GNAI1: variants seen among roughly 807,000 people sequenced by gnomAD.
GNAI1 encodes the protein G protein subunit alpha i1.
A neutral mutation model predicts 38.9 loss-of-function variants in GNAI1; 11 were observed. That is an observed-to-expected ratio of 0.28 (90% CI 0.18 to 0.47). GNAI1 has a LOEUF of 0.47. Among genes scored for constraint, GNAI1 ranks in the 20% least tolerant of loss-of-function variants. GNAI1 has a pLI of 0.99. For synonymous variants in GNAI1, 166 were observed against 145.1 expected (o/e 1.14, Z -1.04); for missense variants, 317 against 436.9 (o/e 0.73, Z 2.45).
At chr7:80,150,854 G>T (rs1562823963) in intron 1 of GNAI1, among the ~76,000 whole-genome samples, 1 of 151,972 alleles carries the variant, frequency 6.6e-6, no homozygotes, top group Non-Finnish European at 1.5e-5. Flanking sequence ...TCCATCATCC[G>T]CCGTTTTTCC....
At chr7:80,153,425 GAAATAA>G (rs1363384570) in intron 1 of GNAI1, among the ~76,000 whole-genome samples, 1 of 152,118 alleles carries the variant, frequency 6.6e-6, no homozygotes, top group Non-Finnish European at 1.5e-5. Flanking sequence ...TATCAAATTG[GAAATAA>G]AACTATTTCC....
chr7:80,181,870 T>TA (rs1228071972), intron 1 of GNAI1, among the ~76,000 whole-genome samples: 1 of 152,196 alleles, frequency 6.6e-6, no homozygotes, highest in Non-Finnish European at 1.5e-5. Flanking sequence ...CTTGCATACA[T>TA]ACCATTTTTT....
chr7:80,145,730 G>A (rs1004304462), intron 1 of GNAI1, among the ~76,000 whole-genome samples: 3 of 152,124 alleles, frequency 2.0e-5, no homozygotes, highest in Non-Finnish European at 4.4e-5. Flanking sequence ...TATTTATGGT[G>A]TCTTGACTCT....
intron 1 of GNAI1, among the ~76,000 whole-genome samples, chr7:80,177,637 G>A (rs1010612212): frequency 6.6e-6 from 1 of 152,124 alleles, no homozygotes; most frequent in Non-Finnish European, 1.5e-5. Flanking sequence ...TGCCTGGCCA[G>A]TGTTTTTTAT....
intron 3 of GNAI1, among the ~76,000 whole-genome samples, chr7:80,198,879 C>G (rs2115667042): frequency 6.6e-6 from 1 of 152,244 alleles, no homozygotes; most frequent in South Asian, 2.1e-4. Flanking sequence ...ATAGGTTCTT[C>G]TTCTGTTTTC....
chr7:80,180,322 AGTGTGTGTGTGT>A (rs59104301), intron 1 of GNAI1, among the ~76,000 whole-genome samples: 8 of 150,192 alleles, frequency 5.3e-5, no homozygotes, highest in Admixed American at 2.0e-4. Flanking sequence ...ATTCTTATAA[AGTGTGTGTGTGT>A]GTGTGTGTGT....
chr7:80,141,593 CCTT>C (rs1787527168), intron 1 of GNAI1, among the ~76,000 whole-genome samples: 1 of 152,164 alleles, frequency 6.6e-6, no homozygotes, highest in Non-Finnish European at 1.5e-5. Flanking sequence ...TGGGAGTCAT[CCTT>C]CTTTTCTAAT....
At chr7:80,217,228 A>ATGAAACTGACTTCAGTTTCATATGGT in intron 7 of GNAI1, 75 bp from the exon 8 acceptor site, 1 of 988,076 alleles carries the variant, frequency 1.0e-6, no homozygotes, top group Middle Eastern at 3.4e-4. Flanking sequence ...TTTCATATGT[A>ATGAAACTGACTTCAGTTTCATATGGT]TGAAACTGAA....
At chr7:80,217,278 T>C in intron 7 of GNAI1, 25 bp from the exon 8 acceptor site, 2 of 1,308,948 alleles carry the variant, frequency 1.5e-6, no homozygotes, top group Non-Finnish European at 2.0e-6. Flanking sequence ...TTTGCATTTA[T>C]GTTTCTTTCC....
chr7:80,197,260 A>T (rs888566903), intron 3 of GNAI1, among the ~76,000 whole-genome samples: 4 of 151,120 alleles, frequency 2.6e-5, no homozygotes, highest in Non-Finnish European at 5.9e-5. Flanking sequence ...ATAAAACATC[A>T]TCTCACTTAT....
At chr7:80,147,374 T>TAA (rs35187234) in intron 1 of GNAI1, among the ~76,000 whole-genome samples, 115 of 139,350 alleles carry the variant, frequency 8.3e-4, no homozygotes, top group East Asian at 5.8e-3. Flanking sequence ...GTATCCTTAT[T>TAA]AAAAAAAAAA....
rs974215660 is a variant in GNAI1, at chr7:80,152,621, C to T, written c.118+17343C>T. Among the ~76,000 whole-genome samples the T allele has an allele frequency of 8.7e-5, 12 of 137,224 alleles. No individual in the cohort carries two copies. In the South Asian group the frequency reaches 9.0e-4, roughly 10 times the overall value. 90.0% of individuals were successfully genotyped at this position (137,224 alleles called of 152,430 possible). The stretch of plus-strand genomic sequence containing the variant: ...TCTTGCCCACGCTGGAGTGCAGTGG[C>T]GCATTCTCGGCTCACTTCAACCTCC... On this transcript the variant is annotated intron_variant, in intron 1 of 7. Coordinates refer to ENST00000649796, the MANE Select transcript of GNAI1 (RefSeq NM_002069.6).
intron 5 of GNAI1, among the ~76,000 whole-genome samples, chr7:80,210,550 A>G (rs947100357): frequency 2.0e-5 from 3 of 152,098 alleles, no homozygotes; most frequent in Non-Finnish European, 2.9e-5. Context: ...TCTGCCTTCA[A>G]TGTTCCGTGA....
chr7:80,138,237 C>A (rs541868169), intron 1 of GNAI1, among the ~76,000 whole-genome samples: 249 of 152,226 alleles, frequency 1.6e-3, no homozygotes, highest in Middle Eastern at 0.01. Context: ...TCATTTTAAA[C>A]AGCTGGGCTG....
At chr7:80,184,903 CCA>C (rs1301610658) in intron 1 of GNAI1, among the ~76,000 whole-genome samples, 1 of 152,184 alleles carries the variant, frequency 6.6e-6, no homozygotes, top group African/African-American at 2.4e-5. Flanking sequence ...CTCATTCACT[CCA>C]CAGTGATTAG....
rs966984369 is a variant in GNAI1, at chr7:80,221,445, C to G, written c.*3952C>G. Reference sequence around the variant, plus strand: ...AGTGCTTAACAAATGGTTGTTGATACGTGCTTTGAATGAAATGCCTCAAAA... The same window carrying G: ...AGTGCTTAACAAATGGTTGTTGATAGGTGCTTTGAATGAAATGCCTCAAAA... On this transcript the variant is annotated 3_prime_UTR_variant, in exon 8 of 8. Coordinates refer to ENST00000649796, the MANE Select transcript of GNAI1 (RefSeq NM_002069.6). Among the ~76,000 whole-genome samples, 1 of 151,920 alleles carries G rather than the reference C, an allele frequency of 6.6e-6. No individual in the cohort carries two copies. Among genetic ancestry groups the G allele is most frequent in the South Asian group, 2.1e-4 (1 of 4,814 alleles).
chr7:80,183,137 A>G (rs1788324541), intron 1 of GNAI1, among the ~76,000 whole-genome samples: 1 of 152,186 alleles, frequency 6.6e-6, no homozygotes, highest in Non-Finnish European at 1.5e-5. Flanking sequence ...TTTCAAAAGA[A>G]TATATTATAT....
chr7:80,165,935 G>T (rs993858850), intron 1 of GNAI1, among the ~76,000 whole-genome samples: 3 of 152,038 alleles, frequency 2.0e-5, no homozygotes, highest in South Asian at 4.2e-4. Flanking sequence ...TACAGAGAGG[G>T]TATATTAATA....
At chr7:80,141,066 A>G (rs1344215489) in intron 1 of GNAI1, among the ~76,000 whole-genome samples, 1 of 152,168 alleles carries the variant, frequency 6.6e-6, no homozygotes, top group East Asian at 1.9e-4. Flanking sequence ...CACCCACATA[A>G]TCCAAGTTAA....
Sources: allele counts gnomAD v4.1 joint callset (sites outside exome capture counted in the v4.1 genomes callset), GRCh38; gene constraint gnomAD v4.1.1; transcripts MANE v1.5; gene names NCBI Gene and HGNC (gene_info 2026-07-23, HGNC 2026-07-21).